ANKAR: variants seen among roughly 807,000 people sequenced by gnomAD.
ANKAR encodes ankyrin and armadillo repeat-containing protein.
A neutral mutation model predicts 146.2 loss-of-function variants in ANKAR; 136 were observed. The observed-to-expected ratio is 0.93, with a 90% confidence interval of 0.81 to 1.07. The LOEUF (loss-of-function observed/expected upper bound fraction) is 1.07, where lower values mean the gene tolerates loss of function less well. Ranked by LOEUF, ANKAR falls within the 50% of genes least tolerant of loss-of-function variation. The pLI, the probability that ANKAR is intolerant of heterozygous loss-of-function variation, is 0.00. For synonymous variants in ANKAR, 500 were observed against 575.8 expected, an observed-to-expected ratio of 0.87 and a Z score of 1.88; for missense variants, 1,567 against 1,679.9, an observed-to-expected ratio of 0.93 and a Z score of 1.18.
At chr2:189,752,443 C>T (rs1477800182) in intron 18 of ANKAR, among the ~76,000 whole-genome samples, 7 of 152,202 alleles carry the variant, frequency 4.6e-5, no homozygotes, top group Non-Finnish European at 7.3e-5. Context: ...TTCTAACTCA[C>T]CTAAACTTGC....
chr2:189,742,748 G>A (rs2043456782), intron 20 of ANKAR, among the ~76,000 whole-genome samples: 1 of 151,468 alleles, frequency 6.6e-6, no homozygotes, highest in Non-Finnish European at 1.5e-5. Flanking sequence ...AAGTTATATG[G>A]GTGATGCTAA....
intron 12 of ANKAR, among the ~76,000 whole-genome samples, chr2:189,722,679 A>G (rs377662426): frequency 6.6e-6 from 1 of 152,032 alleles, no homozygotes. Context: ...TCAGGAGATC[A>G]AGACCATCCT....
intron 10 of ANKAR, 61 bp from the exon 11 acceptor site, chr2:189,719,511 T>C (rs759478503): frequency 2.8e-6 from 4 of 1,405,102 alleles, no homozygotes; most frequent in Admixed American, 2.1e-5. Flanking sequence ...CCATGATAAA[T>C]TGACTACAAA....
downstream of ANKAR, among the ~76,000 whole-genome samples, chr2:189,751,467 T>C (rs532983402): frequency 1.5e-3 from 210 of 139,350 alleles, 1 homozygote; most frequent in African/African-American, 5.6e-3. Context: ...TTTTTTGAGA[T>C]GGAGTCTCAC....
downstream of ANKAR, among the ~76,000 whole-genome samples, chr2:189,751,447 T>G (rs1434373206): frequency 6.7e-6 from 1 of 149,398 alleles, no homozygotes; most frequent in East Asian, 1.9e-4. Context: ...AAGTTGTGTT[T>G]TTTTTTTTTT....
chr2:189,699,550 C>T (rs369437285), intron 7 of ANKAR, among the ~76,000 whole-genome samples: 162 of 152,320 alleles, frequency 1.1e-3, no homozygotes, highest in African/African-American at 3.7e-3. Flanking sequence ...ACTCATTTCA[C>T]TTGTGCATAA....
At chr2:189,694,570 GC>G (rs2105824332) in intron 5 of ANKAR, among the ~76,000 whole-genome samples, 1 of 152,300 alleles carries the variant, frequency 6.6e-6, no homozygotes, top group South Asian at 2.1e-4. Context: ...GTGAGTAAAA[GC>G]CAAGGAGCCA....
Position 189,677,050 on chromosome 2 carries a change from C to A in ANKAR, c.560C>A (p.Pro187His). 6.3e-7 allele frequency: 1 copy of A among 1,587,794 alleles called. No individual in the cohort carries two copies. Reference sequence around the variant, plus strand: ...ATGGACATTGATCCTGATGGAAAACCTCAAACAAATAAAGACATTTTTTCA... The same window carrying A: ...ATGGACATTGATCCTGATGGAAAACATCAAACAAATAAAGACATTTTTTCA... ...AIMDIDPDGKPQTNKDIFSEF... is the reference protein window; with the variant it reads ...AIMDIDPDGKHQTNKDIFSEF... The change falls in exon 2 of 23, where the codon CCT becomes CAT. Residue 187 changes from proline (P) to histidine (H), a missense_variant. By Grantham distance (77) the Pro-to-His change is moderately conservative (BLOSUM62 -2). Transcript: ENST00000684021.
chr2:189,750,332 T>C (rs1440464934), downstream of ANKAR, among the ~76,000 whole-genome samples: 1 of 152,118 alleles, frequency 6.6e-6, no homozygotes, highest in Non-Finnish European at 1.5e-5. Context: ...CATCAATACA[T>C]TCCTTTCTCA....
chr2:189,694,188 C>T (rs1359838774), intron 5 of ANKAR, among the ~76,000 whole-genome samples: 5 of 152,000 alleles, frequency 3.3e-5, no homozygotes, highest in African/African-American at 7.2e-5. Flanking sequence ...CGTGATTGCG[C>T]CACTGCACTC....
chr2:189,694,109 A>G (rs983124039), intron 5 of ANKAR, among the ~76,000 whole-genome samples: 8 of 151,472 alleles, frequency 5.3e-5, no homozygotes, highest in African/African-American at 1.9e-4. Context: ...ACATGCCTGT[A>G]GTCACACCTA....
In ANKAR at chr2:189,689,941, G is replaced by A. The variant is rs760686078; in HGVS notation, c.1016G>A (p.Ser339Asn). 34 of 1,525,650 alleles carry A rather than the reference G, an allele frequency of 2.2e-5. No individual in the cohort carries two copies. Among genetic ancestry groups the A allele is most frequent in the Non-Finnish European group, 2.9e-5 (33 of 1,144,648 alleles). The allele number at this position is 1,525,650 out of a possible 1,614,324, so 94.5% of individuals were successfully genotyped here. A position where few individuals can be genotyped will look rare whatever the true frequency, so the allele number is the denominator to read the frequency against. Residue 339 changes from serine (S) to asparagine (N), a missense_variant, in exon 3 of 23, where the codon AGT becomes AAT. Transcript: ENST00000684021. Reference protein sequence around the residue: ...LKKKMKVPYLSSLLQPFSDDK... With the variant: ...LKKKMKVPYLNSLLQPFSDDK... ...AAGAAAATGAAAGTTCCATATTTAA[G>A]TAGTCTGCTTCAGCCTTTTTCAGGT... is the stretch of plus-strand genomic sequence containing the variant.
In ANKAR at chr2:189,737,930, C is replaced by T. The variant is rs1182720505; in HGVS notation, c.3582+89C>T. ...ACAACAATTTGGAGGCCCAGAAAAA[C>T]GTTTACTTATTTGTAAAAACTTAGT... is the stretch of plus-strand genomic sequence containing the variant. On this transcript the variant is annotated intron_variant, in intron 18 of 22. Coordinates refer to ENST00000684021, the MANE Select transcript of ANKAR (RefSeq NM_001378068.1). The T allele has an allele frequency of 3.0e-5, 38 of 1,285,524 alleles. No individual in the cohort carries two copies. In the Middle Eastern group the frequency reaches 2.0e-3, roughly 66 times the overall value. The allele number at this position is 1,285,524 out of a possible 1,614,324, so 79.6% of individuals were successfully genotyped here.
chr2:189,676,486 T>C lies in ANKAR; in HGVS notation c.-5T>C, dbSNP rs2033698159. On this transcript the variant is annotated 5_prime_UTR_variant, in exon 2 of 23. Coordinates refer to ENST00000684021, the MANE Select transcript of ANKAR (RefSeq NM_001378068.1). ...TCAAAAAGGACACACTAGATTTAAT[T>C]AGAAATGTTAAGATTGCCCAAAAAA... 1 of 1,531,450 alleles carries C rather than the reference T, an allele frequency of 6.5e-7. No individual in the cohort carries two copies. Among genetic ancestry groups the C allele is most frequent in the Non-Finnish European group, 8.8e-7 (1 of 1,141,538 alleles). The allele number at this position is 1,531,450 out of a possible 1,614,324, so 94.9% of individuals were successfully genotyped here.
At chr2:189,717,856 A>G (rs2040697766) in intron 10 of ANKAR, among the ~76,000 whole-genome samples, 1 of 152,050 alleles carries the variant, frequency 6.6e-6, no homozygotes, top group Non-Finnish European at 1.5e-5. Flanking sequence ...CAAACACCAC[A>G]TGTTCTCACT....
At chr2:189,711,964 T>C (rs1011881809) in intron 10 of ANKAR, among the ~76,000 whole-genome samples, 1 of 152,076 alleles carries the variant, frequency 6.6e-6, no homozygotes, top group Non-Finnish European at 1.5e-5. Context: ...GCTCGGCAGG[T>C]CCCACACTGA....
intron 10 of ANKAR, among the ~76,000 whole-genome samples, chr2:189,715,365 T>C (rs748943073): frequency 1.3e-5 from 2 of 152,060 alleles, no homozygotes; most frequent in Non-Finnish European, 2.9e-5. Flanking sequence ...CCTGGACACA[T>C]ACAACCTCCC....
In ANKAR at chr2:189,692,337, GAATC is replaced by G. The variant is rs754662765; in HGVS notation, c.1126_1129del (p.Gln376IlefsTer28). 6.2e-7 allele frequency: 1 copy of G among 1,613,200 alleles called. No homozygotes were observed. The highest frequency in any genetic ancestry group is 2.2e-5 in the East Asian group (1 of 44,774). ...AATGCCAGAATTTTCACTACAAAGA[GAATC>G]AATATTTTCATGTTCATGGAGGAAT... On this transcript the variant is annotated frameshift_variant, in exon 4 of 23. Coordinates refer to ENST00000684021, the MANE Select transcript of ANKAR (RefSeq NM_001378068.1). LOFTEE classifies it high-confidence loss of function.
intron 17 of ANKAR, among the ~76,000 whole-genome samples, chr2:189,737,179 A>G (rs1036395260): frequency 3.4e-4 from 51 of 151,906 alleles, no homozygotes; most frequent in African/African-American, 1.2e-3. Context: ...AATACAATAT[A>G]TTGAATTATT....
Sources: allele counts gnomAD v4.1 joint callset (sites outside exome capture counted in the v4.1 genomes callset), GRCh38; gene constraint gnomAD v4.1.1; transcripts MANE v1.5; gene names NCBI Gene and HGNC (gene_info 2026-07-23, HGNC 2026-07-21).